Variants in DSCAML1 observed in about 807,000 individuals in gnomAD.
The protein encoded by DSCAML1 is DS cell adhesion molecule like 1.
DSCAML1 carries 38 observed loss-of-function variants against 200.5 expected under a neutral mutation model. That is an observed-to-expected ratio of 0.19 (90% CI 0.15 to 0.25). The LOEUF is 0.25. Among genes scored for constraint, DSCAML1 ranks in the 10% least tolerant of loss-of-function variants. DSCAML1 has a pLI of 1.00. For synonymous variants in DSCAML1, 1,215 were observed against 1,165.0 expected, an observed-to-expected ratio of 1.04 and a Z score of -0.87; for missense variants, 2,223 against 2,858.8, an observed-to-expected ratio of 0.78 and a Z score of 5.07.
Position 117,809,131 on chromosome 11 carries a change from G to A in DSCAML1, c.-250+8259C>T, listed in dbSNP as rs114661947. On this transcript the variant is annotated intron_variant, in intron 1 of 2. Coordinates refer to the DSCAML1 transcript ENST00000525836. ...CAGAGAGAATGAATCTTCCAGATCC[G>A]TTGGGAATGCCTCAGATTTAGGAGA... 5.0e-3 allele frequency among the ~76,000 whole-genome samples: 756 copies of A among 152,358 alleles called. 10 individuals carry two copies. The highest frequency in any genetic ancestry group is 0.016 in the African/African-American group (646 of 41,580).
chr11:117,805,413 G>C (rs1284353936), intron 1 of DSCAML1, among the ~76,000 whole-genome samples: 5 of 152,164 alleles, frequency 3.3e-5, no homozygotes, highest in Admixed American at 3.3e-4. Flanking sequence ...AACAGAAAAA[G>C]ATCTAACATA....
At chr11:117,651,493 C>G (rs923400139) in intron 3 of DSCAML1, among the ~76,000 whole-genome samples, 1 of 151,616 alleles carries the variant, frequency 6.6e-6, no homozygotes, top group Non-Finnish European at 1.5e-5. Flanking sequence ...ATCACGAGGT[C>G]AGGAGATCGA....
At chr11:117,750,015 A>T (rs1314445603) in intron 3 of DSCAML1, among the ~76,000 whole-genome samples, 1 of 152,202 alleles carries the variant, frequency 6.6e-6, no homozygotes, top group Non-Finnish European at 1.5e-5. Flanking sequence ...TGGGTGATGA[A>T]AGGCACTGAG....
At chr11:117,500,370 AGAAC>A (rs1488695421) in intron 11 of DSCAML1, among the ~76,000 whole-genome samples, 1 of 152,230 alleles carries the variant, frequency 6.6e-6, no homozygotes, top group East Asian at 1.9e-4. Context: ...AAATTCCCTG[AGAAC>A]GGCAGCTCTG....
intron 1 of DSCAML1, among the ~76,000 whole-genome samples, chr11:117,783,145 C>A (rs906561333): frequency 6.6e-6 from 1 of 152,138 alleles, no homozygotes; most frequent in South Asian, 2.1e-4. Flanking sequence ...TTCCTGGGAG[C>A]GGTTTCTGTT....
Position 117,516,429 on chromosome 11 carries a change from C to A in DSCAML1, c.1783+38G>T. 1.3e-6 allele frequency: 2 copies of A among 1,589,840 alleles called. No homozygotes were observed. The highest frequency in any genetic ancestry group is 1.1e-5 in the South Asian group (1 of 87,220). Reference sequence around the variant, plus strand: ...GAAAGGCCCACGCATCCTGGGTGGTCAGGCGGGCAGGGGCCCTGGCTGGTG... The same window carrying A: ...GAAAGGCCCACGCATCCTGGGTGGTAAGGCGGGCAGGGGCCCTGGCTGGTG... On this transcript the variant is annotated intron_variant, in intron 8 of 32. Coordinates refer to ENST00000651296, the MANE Select transcript of DSCAML1 (RefSeq NM_020693.4). This position sits in a 1 kb window ranked among gnomAD's most constrained non-coding sequence, Gnocchi z 5.7.
At chr11:117,816,801 G>C (rs1666484998) in intron 1 of DSCAML1, among the ~76,000 whole-genome samples, 1 of 109,186 alleles carries the variant, frequency 9.2e-6, no homozygotes, top group African/African-American at 3.0e-5. Context: ...GAATTGCTGG[G>C]GGGGTGGGGT....
At chr11:117,693,127 A>G (rs1299153854) in intron 3 of DSCAML1, among the ~76,000 whole-genome samples, 2 of 152,164 alleles carry the variant, frequency 1.3e-5, no homozygotes, top group Non-Finnish European at 2.9e-5. Context: ...CTCAAGAAAG[A>G]TCTTCAGCAT....
intron 3 of DSCAML1, among the ~76,000 whole-genome samples, chr11:117,650,439 C>G (rs886706444): frequency 6.6e-6 from 1 of 151,338 alleles, no homozygotes; most frequent in Non-Finnish European, 1.5e-5. Context: ...AATGAATGCC[C>G]TGAAGAGATG....
chr11:117,803,098 A>G (rs1432461512), intron 1 of DSCAML1, among the ~76,000 whole-genome samples: 2 of 151,858 alleles, frequency 1.3e-5, no homozygotes, highest in African/African-American at 4.8e-5. Flanking sequence ...GATTGGTGGA[A>G]TGTATTTATA....
In DSCAML1 at chr11:117,516,877, G is replaced by A; in HGVS notation, c.1511-138C>T. The A allele has an allele frequency of 9.2e-7, 1 of 1,084,788 alleles. No homozygotes were observed. The highest frequency in any genetic ancestry group is 1.6e-5 in the South Asian group (1 of 60,840). 67.2% of individuals were successfully genotyped at this position (1,084,788 alleles called of 1,614,324 possible). A position where few individuals can be genotyped will look rare whatever the true frequency, so the allele number is the denominator to read the frequency against. On this transcript the variant is annotated intron_variant, in intron 7 of 32. Transcript: ENST00000651296. The surrounding 1 kb of genome is among the most constrained non-coding windows in gnomAD (Gnocchi z 5.7). ...CTTTCGGGGGCGGACATTTGGTGGG[G>A]GCACAGGGATGCCTTTTTACAAAGC...
At chr11:117,464,864 C>T in intron 17 of DSCAML1, 78 bp downstream of exon 17, 1 of 1,563,078 alleles carries the variant, frequency 6.4e-7, no homozygotes, top group Non-Finnish European at 8.7e-7. Context: ...AACAGAGGGA[C>T]CCACAAACCC....
intron 3 of DSCAML1, among the ~76,000 whole-genome samples, chr11:117,561,842 C>A (rs1029249470): frequency 6.6e-6 from 1 of 152,254 alleles, no homozygotes; most frequent in African/African-American, 2.4e-5. Context: ...AAGGCACATG[C>A]TCCCAGAGTA....
intron 3 of DSCAML1, among the ~76,000 whole-genome samples, chr11:117,686,773 C>G (rs2053407242): frequency 6.6e-6 from 1 of 152,168 alleles, no homozygotes; most frequent in African/African-American, 2.4e-5. Flanking sequence ...AGAGATCTGA[C>G]CACAGAGGCA....
intron 3 of DSCAML1, among the ~76,000 whole-genome samples, chr11:117,612,354 T>A (rs2051713260): frequency 6.6e-6 from 1 of 152,186 alleles, no homozygotes; most frequent in Admixed American, 6.5e-5. Context: ...ATGTTTCCCA[T>A]CAGTCTGGAA....
intron 11 of DSCAML1, among the ~76,000 whole-genome samples, chr11:117,491,339 C>T (rs2049177868): frequency 6.6e-6 from 1 of 152,194 alleles, no homozygotes; most frequent in African/African-American, 2.4e-5. Context: ...CCTCACACAA[C>T]CCTATTTTTA....
intron 16 of DSCAML1, among the ~76,000 whole-genome samples, chr11:117,468,908 A>G (rs2048633957): frequency 6.6e-6 from 1 of 152,212 alleles, no homozygotes; most frequent in South Asian, 2.1e-4. Context: ...TGTCAGGCGG[A>G]GAGTCAGAAA....
rs1174881458 is a variant in DSCAML1, at chr11:117,435,780, C to A, written c.4740G>T (p.Lys1580Asn). The part of the protein sequence containing the change: ...DYDGSTIPPI[K>N]SAQGEGDDVK... ...CATCATCCCCTTCACCTTGAGCAGA[C>A]TTGATGGGTGGAATGGTGCCTGAAT... The change falls in exon 27 of 33, where the codon AAG becomes AAT. Residue 1580 changes from lysine (K) to asparagine (N), a missense_variant. Around this residue, in one of 7 missense-constraint regions of DSCAML1, gnomAD observed 614 missense variants for 739.1 expected, o/e 0.83. Transcript: ENST00000651296. The A allele has an allele frequency of 6.2e-7, 1 of 1,610,574 alleles. No homozygotes were observed. The highest frequency in any genetic ancestry group is 8.5e-7 in the Non-Finnish European group (1 of 1,177,274).
At chr11:117,512,574 G>A (rs1035451305) in intron 8 of DSCAML1, among the ~76,000 whole-genome samples, 1 of 151,928 alleles carries the variant, frequency 6.6e-6, no homozygotes, top group African/African-American at 2.4e-5. Flanking sequence ...CCCGCCTCAG[G>A]GCTGGATTTC....
Sources: allele counts gnomAD v4.1 joint callset (sites outside exome capture counted in the v4.1 genomes callset), GRCh38; gene constraint gnomAD v4.1.1; regional missense constraint gnomAD v4.1.1; non-coding constraint Gnocchi (gnomAD v3.1); transcripts MANE v1.5; gene names NCBI Gene and HGNC (gene_info 2026-07-23, HGNC 2026-07-21).